E2F3: variants seen among roughly 807,000 people sequenced by gnomAD.
E2F3 encodes the protein E2F transcription factor 3, also known as transcription factor E2F3.
In E2F3, 11 loss-of-function variants were observed where a neutral mutation model predicts 44.4. That is an observed-to-expected ratio of 0.25 (90% CI 0.16 to 0.41). The LOEUF (loss-of-function observed/expected upper bound fraction) is 0.41, where lower values mean the gene tolerates loss of function less well. E2F3 is among the 10% of genes least tolerant of loss of function. E2F3 has a pLI of 1.00. For missense variants in E2F3, 487 were observed against 583.6 expected (o/e 0.83, Z 1.70); for synonymous variants, 249 against 253.0 (o/e 0.98, Z 0.15).
chr6:20,435,805 G>T, intron 1 of E2F3, among the ~76,000 whole-genome samples: 1 of 151,872 alleles, frequency 6.6e-6, no homozygotes, highest in East Asian at 1.9e-4. Context: ...ATAATTAAAG[G>T]GATTCTGGAG....
intron 6 of E2F3, among the ~76,000 whole-genome samples, chr6:20,488,832 A>G (rs1013467752): frequency 6.6e-6 from 1 of 152,054 alleles, no homozygotes; most frequent in Admixed American, 6.6e-5. Flanking sequence ...TGTCTCTACT[A>G]AAAATACAAA....
Position 20,481,241 on chromosome 6 carries a change from A to G in E2F3, c.541A>G (p.Thr181Ala). 1 of 1,614,086 alleles carries G rather than the reference A, an allele frequency of 6.2e-7. No homozygotes were observed. Among genetic ancestry groups the G allele is most frequent in the Non-Finnish European group, 8.5e-7 (1 of 1,180,018 alleles). ...KSPSEKTRYD[T>A]SLGLLTKKFI... ...TCCCTCAGAAAAAACGCGGTATGATACGTCTCTTGGTCTGCTCACCAAGAA... is the reference window on the plus strand; with the variant it reads ...TCCCTCAGAAAAAACGCGGTATGATGCGTCTCTTGGTCTGCTCACCAAGAA... Residue 181 changes from threonine (T) to alanine (A), a missense_variant, in exon 3 of 7, where the codon ACG (threonine) becomes GCG (alanine). This residue lies in a region of E2F3 where 29 missense variants were observed against 85.9 expected (regional missense o/e 0.34). Coordinates refer to ENST00000346618, the MANE Select transcript of E2F3 (RefSeq NM_001949.5).
At chr6:20,480,490 A>T (rs755343080) in intron 2 of E2F3, among the ~76,000 whole-genome samples, 26 of 152,314 alleles carry the variant, frequency 1.7e-4, no homozygotes, top group Non-Finnish European at 3.4e-4. Flanking sequence ...ATGTGTTTGC[A>T]TTTAACATAA....
At position 20,402,675 on chromosome 6, in the gene E2F3, G is replaced by T; in HGVS notation, c.393+50G>T. On this transcript the variant is annotated intron_variant, in intron 1 of 6. Coordinates refer to ENST00000346618, the MANE Select transcript of E2F3 (RefSeq NM_001949.5). The surrounding 1 kb of genome is among the most constrained non-coding windows in gnomAD (Gnocchi z 5.6). The stretch of plus-strand genomic sequence containing the variant: ...CCCAGCCCCGGCGGGAGGTGGGCTC[G>T]CACCGCGCGGGGTCGTGGGCGCGCT... 3 of 1,296,456 alleles carry T rather than the reference G, an allele frequency of 2.3e-6. No homozygotes were observed. In the South Asian group the frequency reaches 7.1e-5, roughly 31 times the overall value. The allele number at this position is 1,296,456 out of a possible 1,614,324, so 80.3% of individuals were successfully genotyped here.
At chr6:20,430,115 C>T (rs1760349943) in intron 1 of E2F3, among the ~76,000 whole-genome samples, 2 of 152,010 alleles carry the variant, frequency 1.3e-5, no homozygotes, top group South Asian at 2.1e-4. Flanking sequence ...GCTATTTTTC[C>T]ATTCTGGAAT....
At chr6:20,453,526 T>C (rs548250276) in intron 1 of E2F3, among the ~76,000 whole-genome samples, 1 of 152,258 alleles carries the variant, frequency 6.6e-6, no homozygotes, top group African/African-American at 2.4e-5. Flanking sequence ...GTGATTCTCT[T>C]GCCTCAGCCT....
In E2F3 at chr6:20,410,528, G is replaced by A. The variant is rs138030601; in HGVS notation, c.393+7903G>A. On this transcript the variant is annotated intron_variant, in intron 1 of 6. Coordinates refer to ENST00000346618, the MANE Select transcript of E2F3 (RefSeq NM_001949.5). ...AAGTGCTTAGACCAGTGTCTGGCAC[G>A]TAGGAAGGATTATGTGTTAAGTAGA... Among the ~76,000 whole-genome samples the A allele has an allele frequency of 9.2e-5, 14 of 152,336 alleles. 1 individual carries two copies. In the East Asian group the frequency reaches 2.1e-3, roughly 23 times the overall value.
intron 1 of E2F3, among the ~76,000 whole-genome samples, chr6:20,435,297 A>G (rs1374219249): frequency 6.6e-6 from 1 of 152,170 alleles, no homozygotes; most frequent in Non-Finnish European, 1.5e-5. Flanking sequence ...CAAGTCATGT[A>G]AAAAATTAAT....
At chr6:20,423,149 C>T (rs548230310) in intron 1 of E2F3, among the ~76,000 whole-genome samples, 6 of 152,114 alleles carry the variant, frequency 3.9e-5, no homozygotes, top group Non-Finnish European at 8.8e-5. Flanking sequence ...TGTCACTTAA[C>T]GATGGGGATA....
At chr6:20,453,870 T>C (rs1298311739) in intron 1 of E2F3, among the ~76,000 whole-genome samples, 1 of 152,234 alleles carries the variant, frequency 6.6e-6, no homozygotes, top group Non-Finnish European at 1.5e-5. Context: ...TCACCATTTT[T>C]TGGAAAGAAT....
intron 1 of E2F3, among the ~76,000 whole-genome samples, chr6:20,442,652 A>C (rs1760814909): frequency 6.6e-6 from 1 of 152,212 alleles, no homozygotes; most frequent in Admixed American, 6.5e-5. Flanking sequence ...GAGGACAGTT[A>C]AGTTTCTCCA....
chr6:20,404,815 TCG>T (rs1227201455), intron 1 of E2F3, among the ~76,000 whole-genome samples: 1 of 152,184 alleles, frequency 6.6e-6, no homozygotes, highest in East Asian at 1.9e-4. Flanking sequence ...GGGTTTTCAG[TCG>T]CAAGAATATT....
rs535679621 is a variant in E2F3 at position 20,479,486 on chromosome 6, G to A, written c.394-360G>A. Among the ~76,000 whole-genome samples the A allele has an allele frequency of 3.3e-5, 5 of 152,346 alleles. No homozygotes were observed. In the East Asian group the frequency reaches 7.7e-4, roughly 24 times the overall value. On this transcript the variant is annotated intron_variant, in intron 1 of 6. Coordinates refer to ENST00000346618, the MANE Select transcript of E2F3 (RefSeq NM_001949.5). ...GAGATGGGCAGGAAAGACTCACTGT[G>A]GAAAGGGAATTTAAGCCCCACGGCG...
intron 3 of E2F3, 76 bp from the exon 4 acceptor site, chr6:20,482,686 C>T: frequency 6.8e-7 from 1 of 1,466,040 alleles, no homozygotes; most frequent in Non-Finnish European, 9.1e-7. Context: ...CAAGAGGAGA[C>T]ATTTACCCAA....
chr6:20,402,202 A>G lies in E2F3; in HGVS notation c.-31A>G, dbSNP rs1759324785. ...GAAATTGAAAACAATACATTAATATACCATAACACTAAAAAGAGCAGGAGC... is the reference window on the plus strand; with the variant it reads ...GAAATTGAAAACAATACATTAATATGCCATAACACTAAAAAGAGCAGGAGC... On this transcript the variant is annotated 5_prime_UTR_variant, in exon 1 of 7. In the 5' UTR this introduces an upstream ATG that the reference lacks. Transcript: ENST00000346618. This position sits in a 1 kb window ranked among gnomAD's most constrained non-coding sequence, Gnocchi z 5.6. The G allele has an allele frequency of 1.9e-6, 3 of 1,559,160 alleles. No homozygotes were observed. The highest frequency in any genetic ancestry group is 1.2e-5 in the South Asian group (1 of 82,616).
chr6:20,463,794 A>T (rs1312198888), intron 1 of E2F3, among the ~76,000 whole-genome samples: 1 of 152,200 alleles, frequency 6.6e-6, no homozygotes, highest in African/African-American at 2.4e-5. Flanking sequence ...TCATCTACCC[A>T]GAGATAGCGT....
At chr6:20,463,919 G>A (rs1047027941) in intron 1 of E2F3, among the ~76,000 whole-genome samples, 4 of 152,140 alleles carry the variant, frequency 2.6e-5, no homozygotes, top group African/African-American at 9.7e-5. Flanking sequence ...TATAAATTGG[G>A]GTTCCCACAA....
At chr6:20,445,575 A>G (rs1760917495) in intron 1 of E2F3, among the ~76,000 whole-genome samples, 1 of 152,180 alleles carries the variant, frequency 6.6e-6, no homozygotes. Context: ...TGTTTATAAA[A>G]CAGTGGTACA....
chr6:20,417,369 G>A (rs985555321), intron 1 of E2F3, among the ~76,000 whole-genome samples: 2 of 152,078 alleles, frequency 1.3e-5, no homozygotes, highest in African/African-American at 4.8e-5. Flanking sequence ...TAGACACCAC[G>A]GTTCTTTGTG....
Sources: allele counts gnomAD v4.1 joint callset (sites outside exome capture counted in the v4.1 genomes callset), GRCh38; gene constraint gnomAD v4.1.1; regional missense constraint gnomAD v4.1.1; non-coding constraint Gnocchi (gnomAD v3.1); transcripts MANE v1.5; gene names NCBI Gene and HGNC (gene_info 2026-07-23, HGNC 2026-07-21).